The following TENM4 variants were observed in gnomAD, a reference collection of about 807,000 sequenced individuals.
TENM4 encodes teneurin transmembrane protein 4, also known as teneurin-4.
A neutral mutation model predicts 243.3 loss-of-function variants in TENM4; 82 were observed. That is an observed-to-expected ratio of 0.34 (90% confidence interval 0.28 to 0.40). The LOEUF (loss-of-function observed/expected upper bound fraction) is 0.40. Ranked by LOEUF, TENM4 falls within the 10% of genes least tolerant of loss-of-function variation. TENM4 has a pLI of 1.00. For synonymous variants in TENM4, 1,412 were observed against 1,456.3 expected (o/e 0.97, Z 0.69); for missense variants, 3,138 against 3,673.3 (o/e 0.85, Z 3.77).
chr11:79,124,891 A>G (rs1031689964), intron 4 of TENM4, among the ~76,000 whole-genome samples: 9,907 of 56,980 alleles, frequency 0.17, 399 homozygotes, highest in African/African-American at 0.23. Context: ...ATGTATATGT[A>G]TATGTGTGTG....
chr11:78,976,240 C>G (rs1418624106), intron 6 of TENM4, among the ~76,000 whole-genome samples: 1 of 152,158 alleles, frequency 6.6e-6, no homozygotes, highest in African/African-American at 2.4e-5. Flanking sequence ...GAGCCTACAG[C>G]TAAAGCTCCT....
At chr11:78,932,655 G>A (rs1856694715) in intron 6 of TENM4, among the ~76,000 whole-genome samples, 1 of 152,156 alleles carries the variant, frequency 6.6e-6, no homozygotes, top group South Asian at 2.1e-4. Context: ...CAACCTTTTT[G>A]GAACCAGGGG....
intron 1 of TENM4, among the ~76,000 whole-genome samples, chr11:79,437,939 G>C (rs1031014034): frequency 6.6e-6 from 1 of 152,200 alleles, no homozygotes; most frequent in African/African-American, 2.4e-5. Flanking sequence ...TTTTCCAGCC[G>C]AGCACTGGCT....
At position 78,763,214 on chromosome 11, in the gene TENM4, G is replaced by A. The variant is rs114526148; in HGVS notation, c.2540-6193C>T. ...GCTTTTGGGAAATAACTTTTTTCCC[G>A]GAAATTTCATTTTTCCTCATAGTTC... is the stretch of plus-strand genomic sequence containing the variant. On this transcript the variant is annotated intron_variant, in intron 18 of 33. Coordinates refer to ENST00000278550, the MANE Select transcript of TENM4 (RefSeq NM_001098816.3). Among the ~76,000 whole-genome samples the A allele has an allele frequency of 7.9e-3, 1,207 of 152,218 alleles. 12 individuals carry two copies. The highest frequency in any genetic ancestry group is 0.027 in the African/African-American group (1,139 of 41,540).
At chr11:78,973,743 A>G (rs1158878458) in intron 6 of TENM4, among the ~76,000 whole-genome samples, 2 of 151,650 alleles carry the variant, frequency 1.3e-5, no homozygotes, top group Admixed American at 6.6e-5. Context: ...GTGCAAAAGT[A>G]ATTGTGGTTT....
intron 4 of TENM4, among the ~76,000 whole-genome samples, chr11:79,137,251 T>G (rs1488247842): frequency 6.6e-6 from 1 of 152,136 alleles, no homozygotes; most frequent in Non-Finnish European, 1.5e-5. Context: ...GTCAACAGGC[T>G]AAGAAGGGAG....
chr11:79,427,327 C>T (rs1859073930), intron 1 of TENM4, among the ~76,000 whole-genome samples: 1 of 152,146 alleles, frequency 6.6e-6, no homozygotes, highest in Admixed American at 6.5e-5. Context: ...AAATGTTGAT[C>T]TCAGCATTAT....
At chr11:78,727,903 G>A (rs1383492361) in intron 22 of TENM4, among the ~76,000 whole-genome samples, 3 of 152,196 alleles carry the variant, frequency 2.0e-5, no homozygotes, top group African/African-American at 7.2e-5. Flanking sequence ...AAAGTTTCTT[G>A]TAGATGCCAT....
rs368394260 is a variant in TENM4, at chr11:78,729,534, G to A, written c.3248C>T (p.Thr1083Ile). 26 of 1,613,874 alleles carry A rather than the reference G, an allele frequency of 1.6e-5. No homozygotes were observed. In the African/African-American group the frequency reaches 2.4e-4, roughly 15 times the overall value. The change falls in exon 22 of 34, where the codon ACC becomes ATC. Residue 1083 changes from threonine (T) to isoleucine (I), a missense_variant. This residue lies in a region of TENM4 where 2,467 missense variants were observed against 3,059.1 expected (regional missense o/e 0.81). Coordinates refer to ENST00000278550, the MANE Select transcript of TENM4 (RefSeq NM_001098816.3). ...CACCTTCATGAGGTTGAAGGGGATG[G>A]TCGGGTGGGTGAGGCTGATCCTCAG... ...SVLRISLTHP[T>I]IPFNLMKVHL...
chr11:79,157,361 G>A lies in TENM4; in HGVS notation c.-162-8555C>T, dbSNP rs137993129. ...TGTCCTCAATAATCTGTGCTGCAAC[G>A]TGGAGTAAATCTCTGACTTCTTTTC... On this transcript the variant is annotated intron_variant, in intron 3 of 33. Transcript: ENST00000278550. 7.8e-4 allele frequency among the ~76,000 whole-genome samples: 119 copies of A among 152,232 alleles called. 1 individual carries two copies. In the Middle Eastern group the frequency reaches 0.01, roughly 13 times the overall value.
chr11:78,957,316 A>T (rs562303763), intron 6 of TENM4, among the ~76,000 whole-genome samples: 1 of 152,304 alleles, frequency 6.6e-6, no homozygotes, highest in South Asian at 2.1e-4. Flanking sequence ...CAACAACAAC[A>T]ACAACAACAA....
chr11:79,159,018 G>T (rs1203213671), intron 3 of TENM4, among the ~76,000 whole-genome samples: 1 of 152,166 alleles, frequency 6.6e-6, no homozygotes. Flanking sequence ...TTATAGAGAG[G>T]TTGAAGTGAG....
intron 1 of TENM4, among the ~76,000 whole-genome samples, chr11:79,316,140 A>G (rs919565864): frequency 6.6e-6 from 1 of 152,216 alleles, no homozygotes; most frequent in Non-Finnish European, 1.5e-5. Flanking sequence ...AGTATCTCCC[A>G]GGATTCTGAG....
At chr11:79,316,602 G>C (rs942269595) in intron 1 of TENM4, among the ~76,000 whole-genome samples, 2 of 152,174 alleles carry the variant, frequency 1.3e-5, no homozygotes, top group African/African-American at 4.8e-5. Flanking sequence ...CTTAAAACAA[G>C]TATTGCAGTG....
At chr11:79,243,309 G>T (rs1439429118) in intron 2 of TENM4, among the ~76,000 whole-genome samples, 2 of 152,064 alleles carry the variant, frequency 1.3e-5, no homozygotes, top group Non-Finnish European at 2.9e-5. Context: ...GTGTGCATGG[G>T]CTGTCTTGTC....
In TENM4 at chr11:78,854,315, C is replaced by T. The variant is rs1344712635; in HGVS notation, c.1471-1G>A. 8 of 1,499,594 alleles carry T rather than the reference C, an allele frequency of 5.3e-6. No individual in the cohort carries two copies. The highest frequency in any genetic ancestry group is 7.1e-6 in the Non-Finnish European group (8 of 1,121,184). The allele number at this position is 1,499,594 out of a possible 1,614,324, so 92.9% of individuals were successfully genotyped here. A position where few individuals can be genotyped will look rare whatever the true frequency, so the allele number is the denominator to read the frequency against. ...CATCCAGCAGCTCCACAAAGTCAAA[C>T]TGAAAGACAGAGAAAGCACAGTTAG... On this transcript the variant is annotated splice_acceptor_variant, in intron 11 of 33. Transcript: ENST00000278550. LOFTEE classifies it high-confidence loss of function.
intron 30 of TENM4, among the ~76,000 whole-genome samples, chr11:78,674,029 A>T (rs918266576): frequency 6.6e-6 from 1 of 152,216 alleles, no homozygotes; most frequent in African/African-American, 2.4e-5. Flanking sequence ...CAACAATGAC[A>T]GAGGCCTTTT....
intron 27 of TENM4, among the ~76,000 whole-genome samples, 167 bp from the exon 28 acceptor site, chr11:78,702,570 G>A (rs1859135001): frequency 6.6e-6 from 1 of 152,282 alleles, no homozygotes; most frequent in African/African-American, 2.4e-5. Context: ...CCTGATCACC[G>A]GGAAACCATG....
intron 6 of TENM4, among the ~76,000 whole-genome samples, chr11:79,025,111 C>T (rs1226870834): frequency 6.6e-6 from 1 of 152,156 alleles, no homozygotes; most frequent in South Asian, 2.1e-4. Flanking sequence ...TCTTCCAGTT[C>T]AAAGAACCCC....
Sources: gnomAD v4.1 joint callset for allele counts (sites outside exome capture counted in the v4.1 genomes callset) on GRCh38, gnomAD v4.1.1 for gene constraint, gnomAD v4.1.1 regional missense constraint, MANE v1.5 for transcripts, NCBI Gene and HGNC (gene_info 2026-07-23, HGNC 2026-07-21) for gene names.